EDIL3: variants seen among roughly 807,000 people sequenced by gnomAD.
EDIL3 encodes the protein EGF like and discoidin domains 3.
Under a neutral mutation model 67.4 loss-of-function variants are expected in EDIL3, and 37 were observed. The observed-to-expected ratio is 0.55, with a 90% CI of 0.42 to 0.72. EDIL3 has a LOEUF of 0.72. EDIL3 is among the 30% of genes least tolerant of loss of function. The pLI is 0.00. For missense variants in EDIL3, 527 were observed against 586.3 expected, an observed-to-expected ratio of 0.90 and a Z score of 1.04; for synonymous variants, 195 against 196.3, an observed-to-expected ratio of 0.99 and a Z score of 0.05.
At chr5:84,362,876 A>T (rs1422686419) in intron 1 of EDIL3, among the ~76,000 whole-genome samples, 2 of 152,198 alleles carry the variant, frequency 1.3e-5, no homozygotes, top group African/African-American at 4.8e-5. Flanking sequence ...TAGAAATAAT[A>T]ATAAAAAATT....
intron 6 of EDIL3, among the ~76,000 whole-genome samples, chr5:84,092,864 T>A (rs1747192418): frequency 6.6e-6 from 1 of 152,034 alleles, no homozygotes; most frequent in African/African-American, 2.4e-5. Context: ...TTTACAAGGT[T>A]TAACTGGTAG....
intron 1 of EDIL3, among the ~76,000 whole-genome samples, chr5:84,336,669 C>T (rs376653215): frequency 1.8e-4 from 27 of 152,040 alleles, no homozygotes; most frequent in African/African-American, 6.5e-4. Flanking sequence ...CAGGCATTGT[C>T]CACAAGGTGA....
At chr5:84,198,197 T>C (rs903581838) in intron 3 of EDIL3, among the ~76,000 whole-genome samples, 7 of 151,788 alleles carry the variant, frequency 4.6e-5, no homozygotes, top group African/African-American at 1.5e-4. Flanking sequence ...AAGAGGATGA[T>C]ACCATTAATG....
chr5:84,368,552 CACA>C (rs1178086834), intron 1 of EDIL3, among the ~76,000 whole-genome samples: 5 of 152,100 alleles, frequency 3.3e-5, no homozygotes, highest in South Asian at 2.1e-4. Flanking sequence ...GTAAAAATTT[CACA>C]ACATTAGATT....
chr5:84,374,003 G>A (rs1011522120), intron 1 of EDIL3, among the ~76,000 whole-genome samples: 1 of 152,100 alleles, frequency 6.6e-6, no homozygotes, highest in African/African-American at 2.4e-5. Context: ...TTAAGGGGAC[G>A]AATGATGGAG....
intron 4 of EDIL3, among the ~76,000 whole-genome samples, chr5:84,159,670 T>C (rs1476391763): frequency 6.6e-6 from 1 of 151,936 alleles, no homozygotes; most frequent in Non-Finnish European, 1.5e-5. Flanking sequence ...CATAATAAAC[T>C]GTATATAGGA....
At chr5:83,964,076 A>G (rs1744649318) in intron 9 of EDIL3, among the ~76,000 whole-genome samples, 1 of 151,898 alleles carries the variant, frequency 6.6e-6, no homozygotes, top group Non-Finnish European at 1.5e-5. Flanking sequence ...ACATACTTTA[A>G]AGAGCATGAG....
chr5:84,320,585 G>A (rs1500226), intron 1 of EDIL3, among the ~76,000 whole-genome samples: 60,317 of 151,758 alleles, frequency 0.4, 12,394 homozygotes, highest in South Asian at 0.48. Context: ...TCTCATAGCT[G>A]ATCTGAGGCT....
intron 3 of EDIL3, among the ~76,000 whole-genome samples, chr5:84,221,068 T>C (rs746306879): frequency 6.6e-6 from 1 of 152,202 alleles, no homozygotes; most frequent in Non-Finnish European, 1.5e-5. Context: ...ATTTAATCTA[T>C]ATTAAATTGA....
intron 1 of EDIL3, among the ~76,000 whole-genome samples, chr5:84,300,339 T>C (rs1252517903): frequency 2.6e-5 from 4 of 152,166 alleles, no homozygotes; most frequent in Admixed American, 6.6e-5. Flanking sequence ...CTTAGGTTGG[T>C]TCCACCTGGA....
intron 5 of EDIL3, among the ~76,000 whole-genome samples, chr5:84,130,578 CTA>C (rs1293253794): frequency 6.6e-6 from 1 of 152,022 alleles, no homozygotes; most frequent in Non-Finnish European, 1.5e-5. Context: ...CAGAATTTCT[CTA>C]TGTTTTCCTT....
intron 4 of EDIL3, among the ~76,000 whole-genome samples, chr5:84,163,683 T>C (rs1005032265): frequency 5.9e-5 from 9 of 152,102 alleles, no homozygotes; most frequent in African/African-American, 2.2e-4. Context: ...TAGTAAGGTA[T>C]TAACATGGAC....
At chr5:84,130,700 T>C (rs953937119) in intron 5 of EDIL3, among the ~76,000 whole-genome samples, 3 of 152,174 alleles carry the variant, frequency 2.0e-5, no homozygotes, top group Non-Finnish European at 2.9e-5. Context: ...AATTCTGCTC[T>C]TGTAATTCAC....
chr5:83,983,741 T>C (rs1322926166), intron 9 of EDIL3, among the ~76,000 whole-genome samples: 1 of 140,320 alleles, frequency 7.1e-6, no homozygotes, highest in East Asian at 2.2e-4. Context: ...ACAGGGACTT[T>C]CTTTTTTTTT....
intron 9 of EDIL3, among the ~76,000 whole-genome samples, chr5:83,965,191 ACT>A (rs1446091419): frequency 1.3e-5 from 2 of 151,950 alleles, no homozygotes; most frequent in African/African-American, 2.4e-5. Context: ...ATTTCTTTCC[ACT>A]CTCTGTGACT....
chr5:83,977,909 T>C (rs1346118590), intron 9 of EDIL3, among the ~76,000 whole-genome samples: 1 of 151,872 alleles, frequency 6.6e-6, no homozygotes, highest in Non-Finnish European at 1.5e-5. Context: ...TATTCACTTT[T>C]ACAGCAAAAT....
chr5:84,190,579 G>GTGTGTGTGTGTGTGTGTGTGTA (rs1456078500), intron 3 of EDIL3, among the ~76,000 whole-genome samples: 9 of 122,056 alleles, frequency 7.4e-5, no homozygotes, highest in African/African-American at 2.8e-4. Context: ...GTGTGTGTGT[G>GTGTGTGTGTGTGTGTGTGTGTA]TATATATATA....
intron 1 of EDIL3, among the ~76,000 whole-genome samples, chr5:84,318,302 A>G (rs1746556141): frequency 6.6e-6 from 1 of 152,196 alleles, no homozygotes; most frequent in Non-Finnish European, 1.5e-5. Context: ...ATTGGAAAAA[A>G]CTACTTTGAA....
chr5:84,066,107 T>A (rs1249466539), intron 7 of EDIL3, among the ~76,000 whole-genome samples: 1 of 146,118 alleles, frequency 6.8e-6, no homozygotes, highest in East Asian at 2.0e-4. Context: ...AGAGTGAGAC[T>A]TTGTCTCAAA....
Sources: gnomAD v4.1 joint callset for allele counts (sites outside exome capture counted in the v4.1 genomes callset) on GRCh38, gnomAD v4.1.1 for gene constraint, MANE v1.5 for transcripts, NCBI Gene and HGNC (gene_info 2026-07-23, HGNC 2026-07-21) for gene names.